The following SOAT2 variants were observed in gnomAD, a reference collection of about 807,000 sequenced individuals.
SOAT2 encodes ACAT-2.
Under a neutral mutation model 76.0 loss-of-function variants are expected in SOAT2, and 87 were observed. The observed-to-expected ratio is 1.14, with a 90% CI of 0.96 to 1.37. SOAT2 has a LOEUF of 1.37. Ranked by LOEUF, SOAT2 falls within the 40% of genes most tolerant of loss-of-function variation. SOAT2 has a pLI of 0.00. For synonymous variants in SOAT2, 285 were observed against 275.4 expected (o/e 1.03, Z -0.34); for missense variants, 686 against 682.1 (o/e 1.01, Z -0.06).
At chr12:53,118,736 G>T (rs1938143402) in intron 8 of SOAT2, among the ~76,000 whole-genome samples, 154 bp from the exon 9 acceptor site, 1 of 152,060 alleles carries the variant, frequency 6.6e-6, no homozygotes, top group Non-Finnish European at 1.5e-5. Flanking sequence ...GTTATGGAAA[G>T]TTCAGAGTAT....
Position 53,116,164 on chromosome 12 carries a change from G to A in SOAT2, c.776G>A (p.Arg259Gln), listed in dbSNP as rs148425254. 339 of 1,613,554 alleles carry A rather than the reference G, an allele frequency of 2.1e-4. No homozygotes were observed. Among genetic ancestry groups the A allele is most frequent in the Non-Finnish European group, 2.7e-4 (322 of 1,179,602 alleles). Reference protein sequence around the residue: ...EAVPGTLRARRGEGIQAPSFS... With the variant: ...EAVPGTLRARQGEGIQAPSFS... ...GTGCCTGGGACCCTTCGTGCCAGAC[G>A]AGGTGAGGCCTTCATCTTGCCCGGT... Residue 259 changes from arginine to glutamine, a missense_variant and splice_region_variant, in exon 7 of 15, where the codon CGA becomes CAA. Physicochemically the swap from Arg to Gln is conservative, Grantham distance 43. Coordinates refer to ENST00000301466, the MANE Select transcript of SOAT2 (RefSeq NM_003578.4).
intron 8 of SOAT2, 46 bp from the exon 9 acceptor site, chr12:53,118,844 A>G: frequency 6.2e-7 from 1 of 1,610,044 alleles, no homozygotes. Context: ...TGAACAGAGA[A>G]CAACATGAAA....
chr12:53,104,967 T>C (rs1592274467), intron 2 of SOAT2, 140 bp from the exon 3 acceptor site: 12 of 763,726 alleles, frequency 1.6e-5, no homozygotes, highest in South Asian at 6.1e-5. Context: ...TGAACCCCCA[T>C]CCCTGCTGAC....
intron 11 of SOAT2, 51 bp from the exon 12 acceptor site, chr12:53,121,252 C>T (rs778206363): frequency 7.3e-7 from 1 of 1,363,324 alleles, no homozygotes; most frequent in Non-Finnish European, 1.1e-6. Context: ...GGAGCCGGAA[C>T]CCAGATGCTT....
intron 7 of SOAT2, 106 bp from the exon 8 acceptor site, chr12:53,118,244 C>CCCCCCCCCT: frequency 1.9e-6 from 1 of 522,870 alleles, no homozygotes; most frequent in Non-Finnish European, 3.5e-6. Flanking sequence ...CACCCCCACC[C>CCCCCCCCCT]TATCCATTTC....
rs369618409 is a variant in SOAT2 at position 53,112,576 on chromosome 12, G to A, written c.444-2814G>A. The stretch of plus-strand genomic sequence containing the variant: ...AAAAAAAAAAAAGACAAGGTCCTAG[G>A]AGAGAAATAAAAACAAAACCAAAAA... On this transcript the variant is annotated intron_variant, in intron 5 of 14. Transcript: ENST00000301466. Among the ~76,000 whole-genome samples the A allele has an allele frequency of 7.4e-5, 11 of 149,394 alleles. No individual in the cohort carries two copies. The East Asian group carries it at 1.6e-3, about 21-fold the overall frequency.
Position 53,123,151 on chromosome 12 carries a change from A to T in SOAT2, c.1307A>T (p.Tyr436Phe). 6.2e-7 allele frequency: 1 copy of T among 1,613,874 alleles called. No individual in the cohort carries two copies. Among genetic ancestry groups the T allele is most frequent in the Non-Finnish European group, 8.5e-7 (1 of 1,179,918 alleles). ...VFLVSAVAHEYIFCFVLGFFY... is the reference protein window; with the variant it reads ...VFLVSAVAHEFIFCFVLGFFY... Reference sequence around the variant, plus strand: ...CTGGTCTCCGCAGTGGCCCATGAGTATATCTTCTGCTTCGTCCTGGGGTTC... The same window carrying T: ...CTGGTCTCCGCAGTGGCCCATGAGTTTATCTTCTGCTTCGTCCTGGGGTTC... Residue 436 changes from tyrosine (Y) to phenylalanine (F), a missense_variant, in exon 13 of 15, where the codon TAT becomes TTT. Transcript: ENST00000301466.
intron 7 of SOAT2, 107 bp from the exon 8 acceptor site, chr12:53,118,243 C>CCCCCCCCCCT: frequency 1.9e-6 from 1 of 516,092 alleles, no homozygotes; most frequent in Non-Finnish European, 3.6e-6. Context: ...CCACCCCCAC[C>CCCCCCCCCCT]CTATCCATTT....
At chr12:53,112,121 T>A (rs1055846772) in intron 5 of SOAT2, among the ~76,000 whole-genome samples, 2 of 152,226 alleles carry the variant, frequency 1.3e-5, no homozygotes, top group Non-Finnish European at 2.9e-5. Flanking sequence ...CTTACATTTT[T>A]TTTTCCCAAA....
At position 53,118,432 on chromosome 12, in the gene SOAT2, T is replaced by C. The variant is rs1368441029; in HGVS notation, c.861T>C (p.Pro287=). 1.2e-6 allele frequency: 2 copies of C among 1,609,088 alleles called. No individual in the cohort carries two copies. Among genetic ancestry groups the C allele is most frequent in the Non-Finnish European group, 1.7e-6 (2 of 1,175,730 alleles). Residue 287 remains proline (P), a splice_region_variant and synonymous_variant, in exon 8 of 15, where the codon CCT becomes CCC. Transcript: ENST00000301466. ...CPTLIYRETY[P]RTPYVRWNYV... Reference sequence around the variant, plus strand: ...CACTCATCTACAGGGAGACTTACCCTAGGTAAGACCCTGCACTCCTTCCCC... The same window carrying C: ...CACTCATCTACAGGGAGACTTACCCCAGGTAAGACCCTGCACTCCTTCCCC...
In SOAT2 at chr12:53,121,352, T is replaced by A; in HGVS notation, c.1187T>A (p.Val396Glu). The A allele has an allele frequency of 6.2e-7, 1 of 1,614,124 alleles. No individual in the cohort carries two copies. The highest frequency in any genetic ancestry group is 8.5e-7 in the Non-Finnish European group (1 of 1,179,996). ...SFSNYYRTWN[V>E]VVHDWLYSYV... is the part of the protein sequence containing the mutation. ...TCCAACTACTACCGCACTTGGAACG[T>A]GGTGGTCCATGACTGGCTGTACAGC... The change falls in exon 12 of 15, where the codon GTG becomes GAG. Residue 396 changes from valine (V) to glutamate (E), a missense_variant. Coordinates refer to ENST00000301466, the MANE Select transcript of SOAT2 (RefSeq NM_003578.4).
At position 53,119,196 on chromosome 12, in the gene SOAT2, C is replaced by T. The variant is rs761081560; in HGVS notation, c.982C>T (p.Arg328Ter). 48 of 1,613,216 alleles carry T rather than the reference C, an allele frequency of 3.0e-5. No individual in the cohort carries two copies. Among genetic ancestry groups the T allele is most frequent in the Non-Finnish European group, 3.6e-5 (43 of 1,179,798 alleles). ...TGTTCCTGTCTTTGCCAACATGAGC[C>T]GAGAGCCCTTCAGCACCCGTGCCCT... ...LCVPVFANMSREPFSTRALVL... is the reference protein window; with the variant it reads ...LCVPVFANMS The change falls in exon 10 of 15, where the codon CGA becomes TGA. Residue 328 changes from arginine to a stop codon, truncating the protein, a stop_gained. Coordinates refer to ENST00000301466, the MANE Select transcript of SOAT2 (RefSeq NM_003578.4). LOFTEE classifies it high-confidence loss of function.
At chr12:53,122,944 G>A (rs960992564) in intron 12 of SOAT2, 137 bp from the exon 13 acceptor site, 16 of 915,172 alleles carry the variant, frequency 1.7e-5, no homozygotes, top group African/African-American at 7.2e-5. Context: ...CGGACGGGGC[G>A]GCTGGCCGGG....
At chr12:53,106,085 T>G in intron 5 of SOAT2, 71 bp downstream of exon 5, 1 of 1,059,800 alleles carries the variant, frequency 9.4e-7, no homozygotes, top group Non-Finnish European at 1.4e-6. Context: ...GTGCCCCACC[T>G]GCCCTTGGGG....
At chr12:53,106,279 T>A (rs1304519393) in intron 5 of SOAT2, among the ~76,000 whole-genome samples, 1 of 102,116 alleles carries the variant, frequency 9.8e-6, no homozygotes, top group Non-Finnish European at 1.9e-5. Context: ...GAGGCAGATG[T>A]GTGTGTGTGT....
At position 53,115,570 on chromosome 12, in the gene SOAT2, C is replaced by G; in HGVS notation, c.624C>G (p.Ala208=). ...GCTGTGCGCTGCTAGCCGCCCACGC[C>G]GTGGTGCTCTGCGCGCTGCCGGTCC... ...GLGCALLAAH[A]VVLCALPVHV... Residue 208 remains alanine, a synonymous_variant, in exon 6 of 15, where the codon GCC becomes GCG. Transcript: ENST00000301466. 1 of 1,588,894 alleles carries G rather than the reference C, an allele frequency of 6.3e-7. No individual in the cohort carries two copies. The highest frequency in any genetic ancestry group is 2.2e-5 in the East Asian group (1 of 44,568).
intron 5 of SOAT2, 51 bp from the exon 6 acceptor site, chr12:53,115,339 G>A: frequency 2.0e-6 from 3 of 1,526,662 alleles, no homozygotes; most frequent in Non-Finnish European, 2.6e-6. Context: ...AGAGGAAGGG[G>A]ACAAGAATGG....
At position 53,119,246 on chromosome 12, in the gene SOAT2, G is replaced by T. The variant is rs140946531; in HGVS notation, c.1032G>T (p.Thr344=). ...TGGTGCTCTCTATCCTGCATGCCAC[G>T]TTGCCAGGTGAGCCAACTAAGGTAG... is the stretch of plus-strand genomic sequence containing the variant. ...RALVLSILHA[T]LPGIFMLLLI... The change falls in exon 10 of 15, where the codon ACG becomes ACT. Residue 344 remains threonine, a synonymous_variant. Transcript: ENST00000301466. The T allele has an allele frequency of 1.2e-6, 2 of 1,613,814 alleles. No individual in the cohort carries two copies. Among genetic ancestry groups the T allele is most frequent in the Admixed American group, 3.3e-5 (2 of 59,976 alleles).
chr12:53,120,721 A>T lies in SOAT2; in HGVS notation c.1040-65A>T, dbSNP rs111426705. On this transcript the variant is annotated intron_variant, in intron 10 of 14. Coordinates refer to ENST00000301466, the MANE Select transcript of SOAT2 (RefSeq NM_003578.4). ...TGGGCAGGGGCTCCTCAGAACCCAG[A>T]TCAGGGCTGCCTGTGGGTCCATGTG... 5.4e-5 allele frequency: 63 copies of T among 1,176,600 alleles called. No individual in the cohort carries two copies. The African/African-American group carries it at 9.4e-4, about 17-fold the overall frequency. The allele number at this position is 1,176,600 out of a possible 1,614,324, so 72.9% of individuals were successfully genotyped here. A position where few individuals can be genotyped will look rare whatever the true frequency, so the allele number is the denominator to read the frequency against.
Sources: gnomAD v4.1 joint callset for allele counts (sites outside exome capture counted in the v4.1 genomes callset) on GRCh38, gnomAD v4.1.1 for gene constraint, MANE v1.5 for transcripts, NCBI Gene and HGNC (gene_info 2026-07-23, HGNC 2026-07-21) for gene names.